The following LMF1 variants were observed in gnomAD, a reference collection of about 807,000 sequenced individuals.
LMF1 encodes lipase maturation factor 1.
LMF1 carries 68 observed loss-of-function variants against 60.6 expected under a neutral mutation model. The observed-to-expected ratio is 1.12, with a 90% CI of 0.92 to 1.37. The LOEUF is 1.37. LMF1 is among the 40% of genes most tolerant of loss of function. LMF1 has a pLI of 0.00. For synonymous variants in LMF1, 418 were observed against 324.7 expected (o/e 1.29, Z -3.09); for missense variants, 948 against 767.2 (o/e 1.24, Z -2.78).
chr16:881,144 G>A (rs1001840279), intron 5 of LMF1, among the ~76,000 whole-genome samples: 2 of 152,234 alleles, frequency 1.3e-5, no homozygotes, highest in Admixed American at 1.3e-4. Context: ...GCTGGGCAGC[G>A]CTTGCTCCGG....
At chr16:963,537 A>G (rs12928779) in intron 1 of LMF1, among the ~76,000 whole-genome samples, 80,417 of 152,008 alleles carry the variant, frequency 0.53, 25,033 homozygotes, top group African/African-American at 0.87. Context: ...GCAGGGATGC[A>G]TGTGTGTATG....
intron 2 of LMF1, among the ~76,000 whole-genome samples, chr16:952,969 C>T (rs1207879790): frequency 3.9e-5 from 2 of 51,086 alleles, no homozygotes; most frequent in African/African-American, 1.8e-4. Flanking sequence ...ACACAGACAC[C>T]CCAAACCAGC....
rs558593408 is a variant in LMF1, at chr16:878,110, A to C, written c.897+1460T>G. On this transcript the variant is annotated intron_variant, in intron 6 of 10. Coordinates refer to ENST00000262301, the MANE Select transcript of LMF1 (RefSeq NM_022773.4). The surrounding 1 kb of genome is among the most constrained non-coding windows in gnomAD (Gnocchi z 5.2). ...CGCGCGTGGGGTCCAGCCACATGGA[A>C]TCCACTGAAGCTATTCCAGGAGCCC... Among the ~76,000 whole-genome samples, 2 of 152,106 alleles carry C rather than the reference A, an allele frequency of 1.3e-5. No individual in the cohort carries two copies. Among genetic ancestry groups the C allele is most frequent in the East Asian group, 3.9e-4 (2 of 5,170 alleles).
At chr16:887,492 C>T (rs992123186) in intron 5 of LMF1, among the ~76,000 whole-genome samples, 3 of 152,136 alleles carry the variant, frequency 2.0e-5, no homozygotes, top group South Asian at 2.1e-4. Flanking sequence ...GGCACGGGGG[C>T]GTGAGCCGAG....
intron 1 of LMF1, chr16:976,275 G>C (rs1011016999): frequency 4.4e-6 from 2 of 449,460 alleles, no homozygotes; most frequent in South Asian, 3.1e-5. Context: ...CTGGATCTAG[G>C]GGATGAGGGC....
At position 894,759 on chromosome 16, in the gene LMF1, G is replaced by C. The variant is rs114871427; in HGVS notation, c.664-1687C>G. Among the ~76,000 whole-genome samples the C allele has an allele frequency of 5.3e-3, 810 of 152,304 alleles. 10 individuals carry two copies. The highest frequency in any genetic ancestry group is 0.018 in the African/African-American group (732 of 41,576). On this transcript the variant is annotated intron_variant, in intron 4 of 10. Transcript: ENST00000262301. ...TGGGAAGAGGGTGAGGGTCTCTCTGGGGACACTTTCGTAATGGCCGCCTCC... is the reference window on the plus strand; with the variant it reads ...TGGGAAGAGGGTGAGGGTCTCTCTGCGGACACTTTCGTAATGGCCGCCTCC...
intron 3 of LMF1, among the ~76,000 whole-genome samples, chr16:921,382 C>T (rs1167720532): frequency 2.0e-5 from 3 of 152,214 alleles, no homozygotes; most frequent in East Asian, 1.9e-4. Flanking sequence ...CACGGACCTG[C>T]GCTCCCTGCA....
At chr16:908,093 C>G (rs1401252425) in intron 4 of LMF1, among the ~76,000 whole-genome samples, 1 of 152,304 alleles carries the variant, frequency 6.6e-6, no homozygotes, top group South Asian at 2.1e-4. Context: ...GGCTGCTGTC[C>G]ACAGAGTCCT....
rs919912771 is a variant in LMF1 at position 962,964 on chromosome 16, G to A, written c.193+7824C>T. 6.6e-6 allele frequency among the ~76,000 whole-genome samples: 1 copy of A among 152,206 alleles called. No homozygotes were observed. Among genetic ancestry groups the A allele is most frequent in the African/African-American group, 2.4e-5 (1 of 41,454 alleles). On this transcript the variant is annotated intron_variant, in intron 1 of 10. Coordinates refer to ENST00000262301, the MANE Select transcript of LMF1 (RefSeq NM_022773.4). This position sits in a 1 kb window ranked among gnomAD's most constrained non-coding sequence, Gnocchi z 4.5. ...CACCGCAGGGCCCTGGGCGACGAAAGGGTCAGGGCTGGTGACCTCTAAAGG... is the reference window on the plus strand; with the variant it reads ...CACCGCAGGGCCCTGGGCGACGAAAAGGTCAGGGCTGGTGACCTCTAAAGG...
chr16:948,285 G>A (rs1384424283), intron 2 of LMF1, among the ~76,000 whole-genome samples: 4 of 150,972 alleles, frequency 2.6e-5, no homozygotes, highest in Non-Finnish European at 4.4e-5. Flanking sequence ...GCCAACGACA[G>A]AGTCAGAGCC....
intron 3 of LMF1, among the ~76,000 whole-genome samples, chr16:914,731 C>G (rs535828787): frequency 2.4e-5 from 2 of 84,646 alleles, no homozygotes; most frequent in African/African-American, 9.1e-5. Context: ...GACACTCTCC[C>G]TCCCTCCCCA....
chr16:942,130 T>C (rs1451507758), intron 2 of LMF1, among the ~76,000 whole-genome samples: 1 of 152,244 alleles, frequency 6.6e-6, no homozygotes, highest in African/African-American at 2.4e-5. Context: ...TTCCGTTATC[T>C]GAAAATGTCT....
chr16:911,413 A>G (rs1345866083), intron 3 of LMF1, among the ~76,000 whole-genome samples: 2 of 152,020 alleles, frequency 1.3e-5, no homozygotes, highest in Non-Finnish European at 2.9e-5. Context: ...CGCCCTGCAC[A>G]CATGCTGCCG....
chr16:905,417 G>C (rs183534574), intron 4 of LMF1, among the ~76,000 whole-genome samples: 1 of 152,210 alleles, frequency 6.6e-6, no homozygotes, highest in Non-Finnish European at 1.5e-5. Flanking sequence ...CTGCACTGCC[G>C]TTCTTGTGAG....
chr16:932,358 C>T (rs951124668), intron 3 of LMF1, among the ~76,000 whole-genome samples: 9 of 152,224 alleles, frequency 5.9e-5, no homozygotes, highest in African/African-American at 2.2e-4. Context: ...GCCTCAGCCG[C>T]TGCCCCCCGA....
chr16:895,696 C>T (rs564385167), intron 4 of LMF1, among the ~76,000 whole-genome samples: 5 of 152,264 alleles, frequency 3.3e-5, no homozygotes, highest in African/African-American at 4.8e-5. Context: ...TGACCGATGC[C>T]GAGAGGGACA....
intron 3 of LMF1, 193 bp downstream of exon 3, chr16:934,051 G>A (rs2071868992): frequency 1.3e-6 from 2 of 1,512,324 alleles, no homozygotes; most frequent in African/African-American, 1.4e-5. Context: ...GGGCCTGGAA[G>A]CCCAGGAGCT....
rs777794076 is a variant in LMF1, at chr16:869,096, G to A, written c.1417-40C>T. On this transcript the variant is annotated intron_variant, in intron 9 of 10. Transcript: ENST00000262301. ...CGGGCTGGAGACGGCTGTGCCACTCGCTGTCCAGGCACAGCCCCTCCGGAC... is the reference window on the plus strand; with the variant it reads ...CGGGCTGGAGACGGCTGTGCCACTCACTGTCCAGGCACAGCCCCTCCGGAC... The A allele has an allele frequency of 5.9e-5, 78 of 1,317,248 alleles. No individual in the cohort carries two copies. The South Asian group carries it at 6.2e-4, about 10-fold the overall frequency. 81.6% of individuals were successfully genotyped at this position (1,317,248 alleles called of 1,614,324 possible).
chr16:881,912 C>T (rs368485962), intron 5 of LMF1, among the ~76,000 whole-genome samples: 77 of 152,218 alleles, frequency 5.1e-4, no homozygotes, highest in African/African-American at 1.7e-3. Flanking sequence ...TGAGCTCTGA[C>T]GGGGAGGGGA....
Sources: gnomAD v4.1 joint callset for allele counts (sites outside exome capture counted in the v4.1 genomes callset) on GRCh38, gnomAD v4.1.1 for gene constraint, Gnocchi (gnomAD v3.1) non-coding constraint, MANE v1.5 for transcripts, NCBI Gene and HGNC (gene_info 2026-07-23, HGNC 2026-07-21) for gene names.